NBAS: variants seen among roughly 807,000 people sequenced by gnomAD.
NBAS encodes the protein NBAS subunit of NRZ tethering complex.
Under a neutral mutation model 302.5 loss-of-function variants are expected in NBAS, and 219 were observed. That is an observed-to-expected ratio of 0.72 (90% CI 0.65 to 0.81). The LOEUF (loss-of-function observed/expected upper bound fraction) is 0.81, where lower values mean the gene tolerates loss of function less well. Ranked by LOEUF, NBAS falls within the 30% of genes least tolerant of loss-of-function variation. NBAS has a pLI of 0.00. For synonymous variants in NBAS, 1,118 were observed against 1,021.6 expected, an observed-to-expected ratio of 1.09 and a Z score of -1.80; for missense variants, 2,932 against 2,841.6, an observed-to-expected ratio of 1.03 and a Z score of -0.72.
the NBAS span, among the ~76,000 whole-genome samples, chr2:14,919,578 T>G: frequency 2.0e-5 from 3 of 152,250 alleles, no homozygotes; most frequent in Admixed American, 6.5e-5. Context: ...TTAGCCACAG[T>G]AGAATTTCTT....
At chr2:15,138,011 C>G in the NBAS span, among the ~76,000 whole-genome samples, 1 of 152,238 alleles carries the variant, frequency 6.6e-6, no homozygotes, top group African/African-American at 2.4e-5. Context: ...CCAGCACCAC[C>G]AACAGCACTC....
the NBAS span, among the ~76,000 whole-genome samples, chr2:14,926,549 AAG>A: frequency 4.6e-5 from 7 of 152,222 alleles, no homozygotes; most frequent in South Asian, 8.3e-4. Context: ...GGATCAATAA[AAG>A]AGAGGTTTTT....
At chr2:15,109,941 A>G in the NBAS span, among the ~76,000 whole-genome samples, 2 of 152,116 alleles carry the variant, frequency 1.3e-5, no homozygotes, top group East Asian at 3.8e-4. Flanking sequence ...TTTATTGTCC[A>G]TTCTCAAAAT....
At chr2:15,242,144 T>C (rs1040589354) in intron 44 of NBAS, among the ~76,000 whole-genome samples, 1 of 152,210 alleles carries the variant, frequency 6.6e-6, no homozygotes, top group Non-Finnish European at 1.5e-5. Flanking sequence ...CATTACTGAG[T>C]CTAGCCCTCA....
chr2:15,251,880 G>A (rs765798264), intron 44 of NBAS, among the ~76,000 whole-genome samples: 1 of 152,186 alleles, frequency 6.6e-6, no homozygotes, highest in Non-Finnish European at 1.5e-5. Context: ...AGCCCAGTAA[G>A]TTTCAGCCTT....
At chr2:14,780,150 G>A in the NBAS span, among the ~76,000 whole-genome samples, 1 of 152,204 alleles carries the variant, frequency 6.6e-6, no homozygotes, top group Non-Finnish European at 1.5e-5. Context: ...CCAAACATCA[G>A]ACACTTTGCA....
intron 51 of NBAS, among the ~76,000 whole-genome samples, chr2:15,178,446 C>T (rs2125116064): frequency 6.6e-6 from 1 of 152,308 alleles, no homozygotes; most frequent in African/African-American, 2.4e-5. Flanking sequence ...AACAAGGCAA[C>T]AGGCCTTGAG....
intron 35 of NBAS, among the ~76,000 whole-genome samples, chr2:15,345,721 A>T (rs1048307649): frequency 2.0e-5 from 3 of 152,194 alleles, no homozygotes; most frequent in Non-Finnish European, 4.4e-5. Context: ...AAAAAGAATC[A>T]AGCTAGAGGC....
intron 51 of NBAS, among the ~76,000 whole-genome samples, chr2:15,173,889 A>T (rs904086385): frequency 2.0e-5 from 3 of 152,216 alleles, no homozygotes; most frequent in African/African-American, 7.2e-5. Flanking sequence ...GAGATTATTC[A>T]TTTAAGCACA....
At chr2:15,118,883 C>G in the NBAS span, among the ~76,000 whole-genome samples, 4 of 152,234 alleles carry the variant, frequency 2.6e-5, no homozygotes. Context: ...CCACTACATT[C>G]TGGGGTAGTT....
the NBAS span, among the ~76,000 whole-genome samples, chr2:14,886,476 A>T: frequency 6.6e-6 from 1 of 152,082 alleles, no homozygotes; most frequent in Non-Finnish European, 1.5e-5. Context: ...CTTTAAAATG[A>T]TCTGTGGGTG....
the NBAS span, among the ~76,000 whole-genome samples, chr2:15,042,157 G>A: frequency 6.6e-6 from 1 of 152,220 alleles, no homozygotes; most frequent in African/African-American, 2.4e-5. Flanking sequence ...GAAAGGCAAT[G>A]GCAAGGAAGG....
intron 47 of NBAS, among the ~76,000 whole-genome samples, chr2:15,220,825 A>G (rs1219929472): frequency 6.6e-6 from 1 of 152,176 alleles, no homozygotes; most frequent in Non-Finnish European, 1.5e-5. Context: ...CTTACCTTAA[A>G]TCAAATTCCA....
At chr2:15,335,315 T>C (rs1398492104) in intron 35 of NBAS, among the ~76,000 whole-genome samples, 1 of 152,224 alleles carries the variant, frequency 6.6e-6, no homozygotes, top group Non-Finnish European at 1.5e-5. Context: ...ATACCAATAG[T>C]GCTGCCCTGA....
At chr2:15,407,179 T>C (rs568267439) in intron 25 of NBAS, among the ~76,000 whole-genome samples, 1 of 152,206 alleles carries the variant, frequency 6.6e-6, no homozygotes, top group Non-Finnish European at 1.5e-5. Flanking sequence ...TAAAATTTTA[T>C]TAGATTTAGA....
intron 13 of NBAS, among the ~76,000 whole-genome samples, chr2:15,477,337 C>A (rs1354259879): frequency 2.6e-5 from 4 of 152,130 alleles, no homozygotes; most frequent in African/African-American, 9.7e-5. Flanking sequence ...TCTCGGCTCA[C>A]TGCAACCTCT....
At chr2:15,336,261 T>C (rs1041268506) in intron 35 of NBAS, among the ~76,000 whole-genome samples, 7 of 152,202 alleles carry the variant, frequency 4.6e-5, no homozygotes, top group African/African-American at 1.4e-4. Flanking sequence ...AATATATTGA[T>C]ATTTACTTTT....
At chr2:15,526,620 C>A (rs1662925515) in intron 9 of NBAS, among the ~76,000 whole-genome samples, 1 of 151,998 alleles carries the variant, frequency 6.6e-6, no homozygotes, top group Non-Finnish European at 1.5e-5. Context: ...TTGTCATGCA[C>A]AACAGGCCAC....
chr2:15,366,663 A>T lies in NBAS; in HGVS notation c.3734T>A (p.Ile1245Asn), dbSNP rs1312262004. The T allele has an allele frequency of 6.2e-7, 1 of 1,614,084 alleles. No individual in the cohort carries two copies. Among genetic ancestry groups the T allele is most frequent in the Non-Finnish European group, 8.5e-7 (1 of 1,179,980 alleles). Residue 1245 changes from isoleucine to asparagine, a missense_variant, in exon 32 of 52, where the codon ATC (isoleucine) becomes AAC (asparagine). Ile to Asn is a moderately radical substitution (Grantham distance 149). Coordinates refer to ENST00000281513, the MANE Select transcript of NBAS (RefSeq NM_015909.4). ...VRLCPDRISL[I>N]KECISQSPTC... ...GGGGGACTGGGAAATACACTCCTTGATGAGACTGATCCGATCAGGGCACAA... is the reference window on the plus strand; with the variant it reads ...GGGGGACTGGGAAATACACTCCTTGTTGAGACTGATCCGATCAGGGCACAA...
Sources: allele counts gnomAD v4.1 joint callset (sites outside exome capture counted in the v4.1 genomes callset), GRCh38; gene constraint gnomAD v4.1.1; transcripts MANE v1.5; gene names NCBI Gene and HGNC (gene_info 2026-07-23, HGNC 2026-07-21).